ROS1: variants seen among roughly 807,000 people sequenced by gnomAD.
ROS1 encodes proto-oncogene tyrosine-protein kinase ROS.
A neutral mutation model predicts 273.5 loss-of-function variants in ROS1; 263 were observed. That is an observed-to-expected ratio of 0.96 (90% CI 0.87 to 1.06). The LOEUF (loss-of-function observed/expected upper bound fraction) is 1.06. Ranked by LOEUF, ROS1 falls within the 50% of genes least tolerant of loss-of-function variation. The pLI, the probability that ROS1 is intolerant of heterozygous loss-of-function variation, is 0.00. For synonymous variants in ROS1, 1,008 were observed against 954.1 expected (o/e 1.06, Z -1.04); for missense variants, 2,833 against 2,751.1 (o/e 1.03, Z -0.67).
In ROS1 at chr6:117,357,939, A is replaced by C; in HGVS notation, c.3704T>G (p.Phe1235Cys). 1 of 1,613,722 alleles carries C rather than the reference A, an allele frequency of 6.2e-7. No homozygotes were observed. The highest frequency in any genetic ancestry group is 8.5e-7 in the Non-Finnish European group (1 of 1,179,748). The change falls in exon 25 of 44, where the codon TTT becomes TGT. Residue 1235 changes from phenylalanine (F) to cysteine (C), a missense_variant. Physicochemically the swap from Phe to Cys is radical, Grantham distance 205. Coordinates refer to ENST00000368507, the MANE Select transcript of ROS1 (RefSeq NM_001378902.1). Reference sequence around the variant, plus strand: ...TCCATTTTGTGATTCTTTCAGTGCAAAGTAGAGGTGCCTTGAAATCCAGTC... The same window carrying C: ...TCCATTTTGTGATTCTTTCAGTGCACAGTAGAGGTGCCTTGAAATCCAGTC... ...TIDWISRHLY[F>C]ALKESQNGMQ...
chr6:117,347,517 A>G (rs764346838), intron 27 of ROS1, among the ~76,000 whole-genome samples: 1 of 152,108 alleles, frequency 6.6e-6, no homozygotes, highest in Non-Finnish European at 1.5e-5. Context: ...GAACAAAGAC[A>G]GCGTTATTTC....
Position 117,360,359 on chromosome 6 carries a change from A to G in ROS1, c.3413T>C (p.Val1138Ala). Residue 1138 changes from valine to alanine, a missense_variant, in exon 23 of 44, where the codon GTA becomes GCA. Physicochemically the swap from Val to Ala is moderately conservative, Grantham distance 64. Transcript: ENST00000368507. ...ACAAATACCTGATGTTGTAGACTTT[A>G]CAACGTCAGCATATGGTCCTGGCCC... ...SKGPGPYADV[V>A]KSTTSEINPF... 1 of 1,613,444 alleles carries G rather than the reference A, an allele frequency of 6.2e-7. No individual in the cohort carries two copies. The highest frequency in any genetic ancestry group is 8.5e-7 in the Non-Finnish European group (1 of 1,179,694).
Position 117,382,803 on chromosome 6 carries a change from TA to T in ROS1, c.2481+513del, listed in dbSNP as rs969243859. Among the ~76,000 whole-genome samples, 31 of 151,324 alleles carry T rather than the reference TA, an allele frequency of 2.0e-4. No homozygotes were observed. The East Asian group carries it at 2.1e-3, about 10-fold the overall frequency. On this transcript the variant is annotated intron_variant, in intron 17 of 43. Coordinates refer to ENST00000368507, the MANE Select transcript of ROS1 (RefSeq NM_001378902.1). ...CATGAATACTCTCATATAATCTTTA[TA>T]AAAAAAAACTTAGGAGGTAGAATAA... is the stretch of plus-strand genomic sequence containing the variant.
chr6:117,332,739 A>G (rs1308029444), intron 32 of ROS1, among the ~76,000 whole-genome samples: 3 of 152,210 alleles, frequency 2.0e-5, no homozygotes, highest in Admixed American at 2.0e-4. Flanking sequence ...TTGCTCCTGA[A>G]TGGCTCCTGG....
At chr6:117,319,737 T>C in intron 37 of ROS1, 131 bp downstream of exon 37, 1 of 728,168 alleles carries the variant, frequency 1.4e-6, no homozygotes, top group Non-Finnish European at 2.3e-6. Flanking sequence ...TCTGTAGCTA[T>C]GGATAGGCTT....
Position 117,362,169 on chromosome 6 carries a change from G to A in ROS1, c.3366+434C>T, listed in dbSNP as rs1779856161. Among the ~76,000 whole-genome samples the A allele has an allele frequency of 2.0e-5, 3 of 152,098 alleles. No homozygotes were observed. In the South Asian group the frequency reaches 6.2e-4, roughly 32 times the overall value. On this transcript the variant is annotated intron_variant, in intron 22 of 43. Coordinates refer to ENST00000368507, the MANE Select transcript of ROS1 (RefSeq NM_001378902.1). ...TGAATTTGCAAAGTTCCCTGAATGT[G>A]AGAAAGTTGTGAAAGTGTCCTTCAC...
chr6:117,387,541 C>T (rs1772683940), intron 14 of ROS1, among the ~76,000 whole-genome samples: 1 of 152,150 alleles, frequency 6.6e-6, no homozygotes, highest in African/African-American at 2.4e-5. Flanking sequence ...TAAAAAATAT[C>T]TTGGAAAGTT....
intron 5 of ROS1, among the ~76,000 whole-genome samples, chr6:117,407,615 C>A (rs564977899): frequency 3.3e-5 from 5 of 152,060 alleles, no homozygotes; most frequent in Non-Finnish European, 7.4e-5. Context: ...TATGCCTATA[C>A]TTTCCAGTCA....
chr6:117,328,528 A>T (rs976600000), intron 33 of ROS1: 2 of 396,610 alleles, frequency 5.0e-6, no homozygotes, highest in South Asian at 5.5e-5. Flanking sequence ...ATGAACAGGA[A>T]CATTTTTTAA....
chr6:117,330,577 G>T (rs1777007128), intron 32 of ROS1, among the ~76,000 whole-genome samples: 1 of 152,190 alleles, frequency 6.6e-6, no homozygotes, highest in Non-Finnish European at 1.5e-5. Flanking sequence ...ACTGGCATCA[G>T]GTTGGTGCCC....
At position 117,344,006 on chromosome 6, in the gene ROS1, A is replaced by T. The variant is rs1316704339; in HGVS notation, c.4506+54T>A. 3 of 1,463,306 alleles carry T rather than the reference A, an allele frequency of 2.1e-6. No individual in the cohort carries two copies. The African/African-American group carries it at 4.2e-5, about 20-fold the overall frequency. 90.6% of individuals were successfully genotyped at this position (1,463,306 alleles called of 1,614,324 possible). ...ATACTTTACTATGGCTCATAATTTTATATCAAAAAAGAACATCTTGTGAAA... is the reference window on the plus strand; with the variant it reads ...ATACTTTACTATGGCTCATAATTTTTTATCAAAAAAGAACATCTTGTGAAA... On this transcript the variant is annotated intron_variant, in intron 28 of 43. Coordinates refer to ENST00000368507, the MANE Select transcript of ROS1 (RefSeq NM_001378902.1).
chr6:117,360,036 A>G (rs1779661423), intron 23 of ROS1, 25 bp from the exon 24 acceptor site: 1 of 1,578,280 alleles, frequency 6.3e-7, no homozygotes, highest in African/African-American at 1.4e-5. Flanking sequence ...ACATGTAGAT[A>G]ATATGCATGA....
rs747637576 is a variant in ROS1, at chr6:117,416,319, T to C, written c.169-2A>G. On this transcript the variant is annotated splice_acceptor_variant, in intron 2 of 43. Transcript: ENST00000368507. LOFTEE classifies it high-confidence loss of function. ...CCAAAAGTGACATCCTTGGATACAC[T>C]GCAAGAGACAATAACAGACAATGGT... is the stretch of plus-strand genomic sequence containing the variant. 1 of 1,594,852 alleles carries C rather than the reference T, an allele frequency of 6.3e-7. No homozygotes were observed. The highest frequency in any genetic ancestry group is 8.6e-7 in the Non-Finnish European group (1 of 1,162,602).
intron 42 of ROS1, among the ~76,000 whole-genome samples, chr6:117,308,044 A>G (rs1164847990): frequency 4.6e-5 from 7 of 152,178 alleles, no homozygotes; most frequent in African/African-American, 1.7e-4. Context: ...TATGGTGCAC[A>G]TGGAGAGTTC....
intron 18 of ROS1, among the ~76,000 whole-genome samples, chr6:117,377,563 G>T (rs949016608): frequency 6.6e-6 from 1 of 151,788 alleles, no homozygotes; most frequent in Admixed American, 6.6e-5. Context: ...ATAAATTTAC[G>T]ATGAATTATA....
At chr6:117,337,099 G>T (rs2128616292) in intron 32 of ROS1, 73 bp downstream of exon 32, 2 of 1,139,336 alleles carry the variant, frequency 1.8e-6, no homozygotes, top group Non-Finnish European at 2.6e-6. Flanking sequence ...ATATCTCTAG[G>T]ATTAGTGAAA....
intron 43 of ROS1, among the ~76,000 whole-genome samples, chr6:117,292,112 G>T (rs1378703478): frequency 1.3e-5 from 2 of 151,942 alleles, no homozygotes; most frequent in Non-Finnish European, 2.9e-5. Context: ...TGGGAATACA[G>T]GCGCCCACCA....
At chr6:117,337,537 G>T (rs1777572375) in intron 31 of ROS1, among the ~76,000 whole-genome samples, 197 bp from the exon 32 acceptor site, 1 of 152,006 alleles carries the variant, frequency 6.6e-6, no homozygotes, top group Admixed American at 6.6e-5. Context: ...AGATATAACT[G>T]ATTTACATGA....
chr6:117,396,582 T>C lies in ROS1; in HGVS notation c.807-318A>G, dbSNP rs547435327. Among the ~76,000 whole-genome samples, 5 of 152,342 alleles carry C rather than the reference T, an allele frequency of 3.3e-5. No homozygotes were observed. In the East Asian group the frequency reaches 7.7e-4, roughly 23 times the overall value. On this transcript the variant is annotated intron_variant, in intron 8 of 43. Coordinates refer to ENST00000368507, the MANE Select transcript of ROS1 (RefSeq NM_001378902.1). ...ATAAAATAATTACCCTAATGGTTAA[T>C]AAAAATGCCTAAACAGAACTCTACC...
Sources: gnomAD v4.1 joint callset for allele counts (sites outside exome capture counted in the v4.1 genomes callset) on GRCh38, gnomAD v4.1.1 for gene constraint, MANE v1.5 for transcripts, NCBI Gene and HGNC (gene_info 2026-07-23, HGNC 2026-07-21) for gene names.